NCKAP1: variants seen among roughly 807,000 people sequenced by gnomAD.
NCKAP1 encodes nck-associated protein 1.
In NCKAP1, 21 loss-of-function variants were observed where a neutral mutation model predicts 151.2. The observed-to-expected ratio is 0.14, with a 90% confidence interval of 0.10 to 0.20. NCKAP1 has a LOEUF of 0.20. NCKAP1 is among the 10% of genes least tolerant of loss of function. The probability of loss-of-function intolerance (pLI) is 1.00; values close to 1 mark genes in which losing one functional copy is unlikely to be tolerated. For missense variants in NCKAP1, 933 were observed against 1,352.1 expected, an observed-to-expected ratio of 0.69 and a Z score of 4.86; for synonymous variants, 484 against 451.8, an observed-to-expected ratio of 1.07 and a Z score of -0.90.
chr2:182,921,089 A>C lies in NCKAP1; in HGVS notation c.*4613T>G, dbSNP rs1236398755. The C allele has an allele frequency of 6.6e-6, 1 of 152,168 alleles. No homozygotes were observed. Among genetic ancestry groups the C allele is most frequent in the African/African-American group, 2.4e-5 (1 of 41,448 alleles). The allele number at this position is 152,168 out of a possible 1,614,324, so 9.4% of individuals were successfully genotyped here. ...CACTTTTAGTCAGTTACTAATGGAG[A>C]AAAAATAAATATAATTTGGTTGCAA... is the stretch of plus-strand genomic sequence containing the variant. On this transcript the variant is annotated 3_prime_UTR_variant, in exon 31 of 31. Transcript: ENST00000361354.
chr2:182,959,012 C>CT (rs1697383649), intron 18 of NCKAP1, among the ~76,000 whole-genome samples: 1 of 152,066 alleles, frequency 6.6e-6, no homozygotes, highest in South Asian at 2.1e-4. Flanking sequence ...TTAAAATTAG[C>CT]TTTACCTGTT....
chr2:182,977,188 A>G (rs1697841445), intron 14 of NCKAP1, among the ~76,000 whole-genome samples: 1 of 152,180 alleles, frequency 6.6e-6, no homozygotes, highest in South Asian at 2.1e-4. Flanking sequence ...AACAAAATGT[A>G]GTATCTAAAT....
chr2:182,938,746 A>T (rs956767649), intron 24 of NCKAP1, among the ~76,000 whole-genome samples: 1 of 152,218 alleles, frequency 6.6e-6, no homozygotes, highest in African/African-American at 2.4e-5. Flanking sequence ...GCAAAAACTC[A>T]AGGGTATGAC....
rs5001802 is a variant in NCKAP1 at position 182,910,959 on chromosome 2, A to C, written c.*14743T>G. 76,420 of 119,230 alleles carry C rather than the reference A, an allele frequency of 0.64. 29,133 individuals are homozygous for C. Among genetic ancestry groups the C allele is most frequent in the East Asian group, 0.94 (3,076 of 3,262 alleles). The allele number at this position is 119,230 out of a possible 1,614,324, so 7.4% of individuals were successfully genotyped here. A position where few individuals can be genotyped will look rare whatever the true frequency, so the allele number is the denominator to read the frequency against. ...AAATAAAATCCTAAGCTCCCCCCCC[A>C]CATTTGACTAAACAGACCCTCTCCT... On this transcript the variant is annotated 3_prime_UTR_variant, in exon 31 of 31. Transcript: ENST00000361354.
chr2:182,922,581 G>A lies in NCKAP1; in HGVS notation c.*3121C>T, dbSNP rs1309816773. ...TATTATTCCTCCCCTCAGCCCACTT[G>A]TGGTTCCTTCTAATCCTTCACGTAC... On this transcript the variant is annotated 3_prime_UTR_variant, in exon 31 of 31. Transcript: ENST00000361354. 1 of 152,256 alleles carries A rather than the reference G, an allele frequency of 6.6e-6. No homozygotes were observed. The highest frequency in any genetic ancestry group is 1.5e-5 in the Non-Finnish European group (1 of 68,112). 9.4% of individuals were successfully genotyped at this position (152,256 alleles called of 1,614,324 possible).
chr2:183,013,623 A>C (rs963818913), intron 2 of NCKAP1, among the ~76,000 whole-genome samples: 2 of 152,154 alleles, frequency 1.3e-5, no homozygotes, highest in African/African-American at 4.8e-5. Context: ...GCTCTCCTGC[A>C]GACTATTCTC....
chr2:183,006,108 G>A (rs1192544710), intron 2 of NCKAP1, among the ~76,000 whole-genome samples: 2 of 152,168 alleles, frequency 1.3e-5, no homozygotes, highest in Non-Finnish European at 2.9e-5. Context: ...AGTATCCAAT[G>A]CAAACATCTA....
In NCKAP1 at chr2:182,928,918, G is replaced by C. The variant is rs1427397751; in HGVS notation, c.2954-19C>G. ...ATGTTTTCTAAGAGACAAAAATTAA[G>C]AATAAAATCAAGGTATTTCTTCAAG... On this transcript the variant is annotated intron_variant, in intron 27 of 30. Transcript: ENST00000361354. 6.8e-7 allele frequency: 1 copy of C among 1,466,018 alleles called. No homozygotes were observed. Among genetic ancestry groups the C allele is most frequent in the South Asian group, 1.2e-5 (1 of 84,866 alleles). 90.8% of individuals were successfully genotyped at this position (1,466,018 alleles called of 1,614,324 possible). A position where few individuals can be genotyped will look rare whatever the true frequency, so the allele number is the denominator to read the frequency against.
chr2:183,010,740 G>T (rs1698577138), intron 2 of NCKAP1, among the ~76,000 whole-genome samples: 1 of 152,098 alleles, frequency 6.6e-6, no homozygotes, highest in Non-Finnish European at 1.5e-5. Flanking sequence ...TATATACCGT[G>T]GTATAGTGGG....
At chr2:182,929,707 T>C (rs1046926328) in intron 27 of NCKAP1, among the ~76,000 whole-genome samples, 5 of 151,108 alleles carry the variant, frequency 3.3e-5, no homozygotes, top group African/African-American at 1.2e-4. Context: ...TAATTATCCA[T>C]GTGACTAAAT....
intron 9 of NCKAP1, among the ~76,000 whole-genome samples, chr2:182,988,469 G>A (rs960500316): frequency 6.6e-6 from 1 of 152,070 alleles, no homozygotes; most frequent in African/African-American, 2.4e-5. Flanking sequence ...CTCAAGTGGA[G>A]AGAAATAAAG....
In NCKAP1 at chr2:183,002,020, C is replaced by G. The variant is rs1698383538; in HGVS notation, c.536G>C (p.Gly179Ala). 1 of 1,613,644 alleles carries G rather than the reference C, an allele frequency of 6.2e-7. No homozygotes were observed. Among genetic ancestry groups the G allele is most frequent in the African/African-American group, 1.3e-5 (1 of 74,864 alleles). The change falls in exon 6 of 31, where the codon GGC becomes GCC. Residue 179 changes from glycine (G) to alanine (A), a missense_variant. Around this residue, in one of 2 missense-constraint regions of NCKAP1, gnomAD observed 607 missense variants for 795.0 expected, o/e 0.76. Transcript: ENST00000361354. ...GTTTTCATAATCCACAATCATCTGGCCAAGGCGTGGGTATTCTCTGTCACT... is the reference window on the plus strand; with the variant it reads ...GTTTTCATAATCCACAATCATCTGGGCAAGGCGTGGGTATTCTCTGTCACT... ...GASDREYPRL[G>A]QMIVDYENPL...
At chr2:183,017,601 T>C (rs1406454276) in intron 2 of NCKAP1, among the ~76,000 whole-genome samples, 1 of 152,166 alleles carries the variant, frequency 6.6e-6, no homozygotes, top group Non-Finnish European at 1.5e-5. Flanking sequence ...ACTCATCTCC[T>C]GCTGGGCAGC....
intron 27 of NCKAP1, among the ~76,000 whole-genome samples, chr2:182,929,560 C>T (rs1439193689): frequency 6.6e-6 from 1 of 151,702 alleles, no homozygotes; most frequent in African/African-American, 2.4e-5. Flanking sequence ...GTGATATGCA[C>T]TCAAATTGTG....
At chr2:182,984,687 A>G (rs1698014901) in intron 10 of NCKAP1, among the ~76,000 whole-genome samples, 1 of 152,194 alleles carries the variant, frequency 6.6e-6, no homozygotes, top group Non-Finnish European at 1.5e-5. Flanking sequence ...TTTAATTTCA[A>G]TGACAAGCTC....
chr2:182,959,858 T>C (rs1457295566), intron 18 of NCKAP1, among the ~76,000 whole-genome samples: 1 of 152,016 alleles, frequency 6.6e-6, no homozygotes, highest in East Asian at 1.9e-4. Context: ...CAGCCCAAAA[T>C]CTCAAGCTGA....
At chr2:183,037,955 G>T in intron 1 of NCKAP1, 37 bp downstream of exon 1, 1 of 1,515,252 alleles carries the variant, frequency 6.6e-7, no homozygotes, top group Non-Finnish European at 8.9e-7. Context: ...TCCCGGGCCC[G>T]CCCGCCTCCG....
Position 182,915,702 on chromosome 2 carries a change from GT to G in NCKAP1, c.*9999del, listed in dbSNP as rs1179012517. 6.6e-6 allele frequency: 1 copy of G among 152,034 alleles called. No individual in the cohort carries two copies. The highest frequency in any genetic ancestry group is 1.5e-5 in the Non-Finnish European group (1 of 68,020). 9.4% of individuals were successfully genotyped at this position (152,034 alleles called of 1,614,324 possible). A position where few individuals can be genotyped will look rare whatever the true frequency, so the allele number is the denominator to read the frequency against. Reference sequence around the variant, plus strand: ...CTATAGGAGGCATTTCTGTAAAGGGGTAAGATTACAGTTAAGTGTCTCACAG... The same window carrying G: ...CTATAGGAGGCATTTCTGTAAAGGGGAAGATTACAGTTAAGTGTCTCACAG... On this transcript the variant is annotated 3_prime_UTR_variant, in exon 31 of 31. Coordinates refer to ENST00000361354, the MANE Select transcript of NCKAP1 (RefSeq NM_013436.5).
rs1168736275 is a variant in NCKAP1, at chr2:183,016,110, A to C, written c.219+7696T>G. On this transcript the variant is annotated intron_variant, in intron 2 of 30. Coordinates refer to ENST00000361354, the MANE Select transcript of NCKAP1 (RefSeq NM_013436.5). ...CTAGCAGTAACCTGTAGAAATTCTA[A>C]AAATAGAAGTTCCCTCTGAGGAATA... is the stretch of plus-strand genomic sequence containing the variant. Among the ~76,000 whole-genome samples, 5 of 152,180 alleles carry C rather than the reference A, an allele frequency of 3.3e-5. 1 individual carries two copies. Among genetic ancestry groups the C allele is most frequent in the Admixed American group, 2.6e-4 (4 of 15,280 alleles).
Sources: gnomAD v4.1 joint callset for allele counts (sites outside exome capture counted in the v4.1 genomes callset) on GRCh38, gnomAD v4.1.1 for gene constraint, gnomAD v4.1.1 regional missense constraint, MANE v1.5 for transcripts, NCBI Gene and HGNC (gene_info 2026-07-23, HGNC 2026-07-21) for gene names.